DRAXIN: variants seen among roughly 807,000 people sequenced by gnomAD.
DRAXIN encodes the protein dorsal repulsive axon guidance protein.
DRAXIN carries 27 observed loss-of-function variants against 33.9 expected under a neutral mutation model. That is an observed-to-expected ratio of 0.80 (90% confidence interval 0.59 to 1.10). The LOEUF (loss-of-function observed/expected upper bound fraction) is 1.10. Ranked by LOEUF, DRAXIN falls within the 50% of genes least tolerant of loss-of-function variation. The pLI is 0.00. For missense variants in DRAXIN, 371 were observed against 460.8 expected (o/e 0.81, Z 1.78); for synonymous variants, 178 against 194.0 (o/e 0.92, Z 0.69).
rs1329323656 is a variant in DRAXIN, at chr1:11,705,294, G to A, written c.-10-955G>A. ...GCGTGGGGGAGCAGCTGCGGGTGGT[G>A]CACGGGGGCAGGAGGTCTCCAGAGT... On this transcript the variant is annotated intron_variant, in intron 1 of 6. Coordinates refer to ENST00000294485, the MANE Select transcript of DRAXIN (RefSeq NM_198545.4). This position sits in a 1 kb window ranked among gnomAD's most constrained non-coding sequence, Gnocchi z 4.8. Among the ~76,000 whole-genome samples the A allele has an allele frequency of 1.3e-5, 2 of 152,270 alleles. No homozygotes were observed. Among genetic ancestry groups the A allele is most frequent in the African/African-American group, 4.8e-5 (2 of 41,544 alleles).
intron 1 of DRAXIN, among the ~76,000 whole-genome samples, chr1:11,698,261 A>G (rs1348038162): frequency 2.0e-5 from 3 of 152,192 alleles, no homozygotes; most frequent in East Asian, 3.9e-4. Flanking sequence ...TAGAATCCAT[A>G]CAGTTGTTCC....
At chr1:11,701,844 C>T (rs1000118155) in intron 1 of DRAXIN, among the ~76,000 whole-genome samples, 2 of 152,182 alleles carry the variant, frequency 1.3e-5, no homozygotes. Context: ...AGCCCTTGGT[C>T]GCTGTGGATC....
Position 11,715,699 on chromosome 1 carries a change from C to T in DRAXIN, c.937+491C>T, listed in dbSNP as rs140503069. On this transcript the variant is annotated intron_variant, in intron 6 of 6. Transcript: ENST00000294485. Reference sequence around the variant, plus strand: ...CTGCCTCTTCAACTCCTCCGTGCCCCCACCTCGCCTAAGTGTGCTGGGCTC... The same window carrying T: ...CTGCCTCTTCAACTCCTCCGTGCCCTCACCTCGCCTAAGTGTGCTGGGCTC... 1.4e-4 allele frequency among the ~76,000 whole-genome samples: 22 copies of T among 152,230 alleles called. No homozygotes were observed. The East Asian group carries it at 4.1e-3, about 28-fold the overall frequency.
Position 11,721,125 on chromosome 1 carries a change from A to T in DRAXIN, c.*1429A>T, listed in dbSNP as rs1419167708. ...CCCCCCCAGGGGTTCTGATGCAAGC[A>T]TGGAATCCAAAAAAACCCCACACAT... is the stretch of plus-strand genomic sequence containing the variant. On this transcript the variant is annotated 3_prime_UTR_variant, in exon 7 of 7. Coordinates refer to ENST00000294485, the MANE Select transcript of DRAXIN (RefSeq NM_198545.4). 5 of 152,176 alleles carry T rather than the reference A, an allele frequency of 3.3e-5. No homozygotes were observed. Among genetic ancestry groups the T allele is most frequent in the African/African-American group, 1.2e-4 (5 of 41,416 alleles). The allele number at this position is 152,176 out of a possible 1,614,324, so 9.4% of individuals were successfully genotyped here.
chr1:11,715,003 G>C (rs1354731441), intron 5 of DRAXIN, 116 bp from the exon 6 acceptor site: 2 of 1,264,006 alleles, frequency 1.6e-6, no homozygotes, highest in South Asian at 1.3e-5. Flanking sequence ...GGCCCACCCC[G>C]CCAGGGCGCG....
rs553520023 is a variant in DRAXIN at position 11,704,032 on chromosome 1, C to T, written c.-10-2217C>T. Reference sequence around the variant, plus strand: ...CAGAGGCGGCTCTGAGGTTTACTGACAGCCTTGTGTGTCCCCAGGGACAGC... The same window carrying T: ...CAGAGGCGGCTCTGAGGTTTACTGATAGCCTTGTGTGTCCCCAGGGACAGC... On this transcript the variant is annotated intron_variant, in intron 1 of 6. Transcript: ENST00000294485. The surrounding 1 kb of genome is among the most constrained non-coding windows in gnomAD (Gnocchi z 4.6). Among the ~76,000 whole-genome samples, 18 of 152,330 alleles carry T rather than the reference C, an allele frequency of 1.2e-4. No homozygotes were observed. The highest frequency in any genetic ancestry group is 3.8e-4 in the African/African-American group (16 of 41,564).
chr1:11,695,849 C>T (rs535057333), intron 1 of DRAXIN, among the ~76,000 whole-genome samples: 1 of 151,994 alleles, frequency 6.6e-6, no homozygotes, highest in Non-Finnish European at 1.5e-5. Context: ...AGGTAGGACT[C>T]GAGTTCAGCA....
At chr1:11,703,697 G>A (rs1641336190) in intron 1 of DRAXIN, among the ~76,000 whole-genome samples, 1 of 152,162 alleles carries the variant, frequency 6.6e-6, no homozygotes, top group Non-Finnish European at 1.5e-5. Context: ...TGGGTGCTCT[G>A]GCACTGTGCA....
At chr1:11,688,221 T>A (rs759151262), upstream of DRAXIN, among the ~76,000 whole-genome samples, 1 of 152,314 alleles carries the variant, frequency 6.6e-6, no homozygotes, top group South Asian at 2.1e-4. The surrounding 1 kb of genome is among the most constrained non-coding windows in gnomAD (Gnocchi z 4.6). Flanking sequence ...AGCTGGTCTC[T>A]TGCTTTCACC....
At chr1:11,688,148 G>A (rs766674979), upstream of DRAXIN, among the ~76,000 whole-genome samples, 7 of 152,138 alleles carry the variant, frequency 4.6e-5, no homozygotes, top group Admixed American at 2.0e-4. This position sits in a 1 kb window ranked among gnomAD's most constrained non-coding sequence, Gnocchi z 4.6. Context: ...AAATCATGCT[G>A]GCTGCACACT....
Position 11,705,433 on chromosome 1 carries a change from A to G in DRAXIN, c.-10-816A>G, listed in dbSNP as rs1641363453. On this transcript the variant is annotated intron_variant, in intron 1 of 6. Transcript: ENST00000294485. The surrounding 1 kb of genome is among the most constrained non-coding windows in gnomAD (Gnocchi z 4.8). ...AGGCTAGGTCGGGTTGGCTCAGTCT[A>G]CCCTGCAGGGGTCAGAGCCAAGTCT... 6.6e-6 allele frequency among the ~76,000 whole-genome samples: 1 copy of G among 151,950 alleles called. No homozygotes were observed. Among genetic ancestry groups the G allele is most frequent in the South Asian group, 2.1e-4 (1 of 4,802 alleles).
chr1:11,709,130 G>A, intron 2 of DRAXIN, 145 bp from the exon 3 acceptor site: 1 of 812,326 alleles, frequency 1.2e-6, no homozygotes, highest in Non-Finnish European at 1.8e-6. Flanking sequence ...AAGAAGGGTA[G>A]GAAGCAGGAA....
chr1:11,703,210 A>G (rs1050836090), intron 1 of DRAXIN, among the ~76,000 whole-genome samples: 1 of 152,242 alleles, frequency 6.6e-6, no homozygotes, highest in African/African-American at 2.4e-5. Flanking sequence ...CGGTCCCAGC[A>G]CAAAATGACA....
chr1:11,702,244 C>G (rs1177653919), intron 1 of DRAXIN, among the ~76,000 whole-genome samples: 4 of 136,640 alleles, frequency 2.9e-5, no homozygotes, highest in African/African-American at 7.5e-5. Flanking sequence ...CATACACGCT[C>G]TCACACACAC....
chr1:11,717,643 CAG>C (rs1291195855), intron 6 of DRAXIN, among the ~76,000 whole-genome samples: 5 of 120,578 alleles, frequency 4.1e-5, no homozygotes, highest in African/African-American at 1.7e-4. Context: ...GCCTGGGCAA[CAG>C]AGAGAGACTC....
upstream of DRAXIN, among the ~76,000 whole-genome samples, chr1:11,691,255 G>A (rs1641059088): frequency 6.6e-6 from 1 of 151,998 alleles, no homozygotes; most frequent in African/African-American, 2.4e-5. Flanking sequence ...GGCCGCAGCT[G>A]AGCGCGCAGC....
chr1:11,722,482 GA>G lies in DRAXIN; in HGVS notation c.*2788del, dbSNP rs1219131310. 1.3e-5 allele frequency: 2 copies of G among 152,200 alleles called. No individual in the cohort carries two copies. The highest frequency in any genetic ancestry group is 2.4e-5 in the African/African-American group (1 of 41,448). 9.4% of individuals were successfully genotyped at this position (152,200 alleles called of 1,614,324 possible). A position where few individuals can be genotyped will look rare whatever the true frequency, so the allele number is the denominator to read the frequency against. ...ATTTCCAAAGAGGGATGGGTGGATG[GA>G]ACCTCTTAACTCCAGAGCTGGGAAT... On this transcript the variant is annotated 3_prime_UTR_variant, in exon 7 of 7. Coordinates refer to ENST00000294485, the MANE Select transcript of DRAXIN (RefSeq NM_198545.4).
rs188151751 is a variant in DRAXIN, at chr1:11,714,363, C to T, written c.848-756C>T. Among the ~76,000 whole-genome samples the T allele has an allele frequency of 3.5e-3, 532 of 152,336 alleles. 4 individuals carry two copies. Among genetic ancestry groups the T allele is most frequent in the Non-Finnish European group, 6.1e-3 (414 of 68,038 alleles). On this transcript the variant is annotated intron_variant, in intron 5 of 6. Transcript: ENST00000294485. ...CAGAGGTGGCCTGTTAGACGAGGCC[C>T]GTGCTGAGCAGAAATGGCTGGGCCC...
Position 11,719,658 on chromosome 1 carries a change from A to G in DRAXIN, c.1012A>G (p.Thr338Ala). 6.2e-7 allele frequency: 1 copy of G among 1,614,062 alleles called. No homozygotes were observed. Among genetic ancestry groups the G allele is most frequent in the Non-Finnish European group, 8.5e-7 (1 of 1,179,978 alleles). The change falls in exon 7 of 7, where the codon ACG becomes GCG. Residue 338 changes from threonine (T) to alanine (A), a missense_variant. Coordinates refer to ENST00000294485, the MANE Select transcript of DRAXIN (RefSeq NM_198545.4). ...GAAAGGGCGCTGTGTGGAGCCCGAG[A>G]CGGCCAACGGCGACCAGGGATCCTT... The part of the protein sequence containing the change: ...RRKGRCVEPE[T>A]ANGDQGSFIN...
Sources: gnomAD v4.1 joint callset for allele counts (sites outside exome capture counted in the v4.1 genomes callset) on GRCh38, gnomAD v4.1.1 for gene constraint, Gnocchi (gnomAD v3.1) non-coding constraint, MANE v1.5 for transcripts, NCBI Gene and HGNC (gene_info 2026-07-23, HGNC 2026-07-21) for gene names.